ARHGAP39: variants seen among roughly 807,000 people sequenced by gnomAD.
ARHGAP39 encodes rho GTPase-activating protein 39.
ARHGAP39 carries 44 observed loss-of-function variants against 106.9 expected under a neutral mutation model. The observed-to-expected ratio is 0.41, with a 90% CI of 0.32 to 0.53. The LOEUF (loss-of-function observed/expected upper bound fraction) is 0.53. ARHGAP39 is among the 20% of genes least tolerant of loss of function. The pLI, the probability that ARHGAP39 is intolerant of heterozygous loss-of-function variation, is 0.21. For synonymous variants in ARHGAP39, 768 were observed against 693.2 expected, an observed-to-expected ratio of 1.11 and a Z score of -1.69; for missense variants, 1,496 against 1,577.3, an observed-to-expected ratio of 0.95 and a Z score of 0.87.
At chr8:144,665,461 A>G (rs1316589930) in intron 1 of ARHGAP39, among the ~76,000 whole-genome samples, 1 of 152,256 alleles carries the variant, frequency 6.6e-6, no homozygotes, top group East Asian at 1.9e-4. Flanking sequence ...AGGCCATGTC[A>G]GAGACCTTCA....
chr8:144,561,396 TG>T (rs1564848378), intron 3 of ARHGAP39, among the ~76,000 whole-genome samples: 2,190 of 148,270 alleles, frequency 0.015, 57 homozygotes, highest in Admixed American at 0.05. Context: ...ACCCCAGTGG[TG>T]TCCATCACAC....
chr8:144,536,084 G>GCCC (rs143662690), intron 7 of ARHGAP39, among the ~76,000 whole-genome samples: 247 of 152,314 alleles, frequency 1.6e-3, no homozygotes, highest in African/African-American at 5.9e-3. Flanking sequence ...AGTGGGCAGT[G>GCCC]CCCATCGCCA....
intron 3 of ARHGAP39, among the ~76,000 whole-genome samples, chr8:144,574,181 A>AGACGAGGAGGAGGAGGAG (rs112840672): frequency 6.8e-6 from 1 of 148,016 alleles, no homozygotes; most frequent in Non-Finnish European, 1.5e-5. Context: ...AAGAAGATGA[A>AGACGAGGAGGAGGAGGAG]GATGAGGAGG....
chr8:144,530,274 T>G lies in ARHGAP39; in HGVS notation c.*148A>C. ...GCACCCTCAGACCAGGCAGAAGACG[T>G]GGGGAGCGCCGGGGCCAGGGGCCTG... On this transcript the variant is annotated 3_prime_UTR_variant, in exon 12 of 12. Coordinates refer to ENST00000377307, the MANE Select transcript of ARHGAP39 (RefSeq NM_025251.3). The G allele has an allele frequency of 1.2e-6, 1 of 861,788 alleles. No homozygotes were observed. Among genetic ancestry groups the G allele is most frequent in the Non-Finnish European group, 1.7e-6 (1 of 573,806 alleles). 53.4% of individuals were successfully genotyped at this position (861,788 alleles called of 1,614,324 possible). A position where few individuals can be genotyped will look rare whatever the true frequency, so the allele number is the denominator to read the frequency against.
chr8:144,668,397 C>T (rs1052136886), intron 1 of ARHGAP39, among the ~76,000 whole-genome samples: 11 of 152,108 alleles, frequency 7.2e-5, no homozygotes, highest in African/African-American at 1.7e-4. Flanking sequence ...GTCAAAATCG[C>T]GCCACTGCAC....
intron 1 of ARHGAP39, among the ~76,000 whole-genome samples, chr8:144,672,994 A>T (rs1470910812): frequency 6.6e-6 from 1 of 152,148 alleles, no homozygotes; most frequent in African/African-American, 2.4e-5. Context: ...AAGCGGGAGG[A>T]TCACTTGAGC....
Position 144,545,561 on chromosome 8 carries a change from G to A in ARHGAP39, c.2209C>T (p.Arg737Trp), listed in dbSNP as rs768872543. 10 of 1,613,620 alleles carry A rather than the reference G, an allele frequency of 6.2e-6. No individual in the cohort carries two copies. The highest frequency in any genetic ancestry group is 1.6e-4 in the Middle Eastern group (1 of 6,084). ...TCGCAGGCCTCCTTCTTCACGTGCC[G>A]GTCGCTTGTCACGATCATGGGCTTC... is the stretch of plus-strand genomic sequence containing the variant. ...IKKPMIVTSD[R>W]HVKKEACELF... The change falls in exon 6 of 12, where the codon CGG (arginine) becomes TGG (tryptophan). Residue 737 changes from arginine (R) to tryptophan (W), a missense_variant. Arg to Trp is a moderately radical substitution (Grantham distance 101, BLOSUM62 -3). Coordinates refer to ENST00000377307, the MANE Select transcript of ARHGAP39 (RefSeq NM_025251.3).
intron 1 of ARHGAP39, among the ~76,000 whole-genome samples, chr8:144,652,009 T>C (rs114000859): frequency 0.027 from 4,160 of 152,094 alleles, 256 homozygotes; most frequent in East Asian, 0.25. Flanking sequence ...GACACAGGAA[T>C]AGGAAAAGAT....
intron 6 of ARHGAP39, among the ~76,000 whole-genome samples, chr8:144,539,326 G>A (rs749290136): frequency 3.3e-5 from 5 of 152,114 alleles, no homozygotes; most frequent in African/African-American, 4.8e-5. Flanking sequence ...GCCGACAGTC[G>A]CCCCGGCTTC....
chr8:144,609,397 C>CTTTTTTTTTT (rs779442641), intron 1 of ARHGAP39, among the ~76,000 whole-genome samples: 2 of 121,332 alleles, frequency 1.6e-5, no homozygotes, highest in African/African-American at 6.3e-5. Context: ...ATGTATTGTC[C>CTTTTTTTTTT]TTTTTTTTTT....
chr8:144,601,205 T>A (rs545008234), intron 2 of ARHGAP39, among the ~76,000 whole-genome samples: 91 of 140,996 alleles, frequency 6.5e-4, no homozygotes, highest in African/African-American at 2.2e-3. Context: ...TGTGTGCATG[T>A]GCGTGGAGGT....
chr8:144,601,709 G>C (rs1819964118), intron 2 of ARHGAP39, among the ~76,000 whole-genome samples: 1 of 144,484 alleles, frequency 6.9e-6, no homozygotes, highest in African/African-American at 2.6e-5. Context: ...TGTGGTGTGT[G>C]TGTGAGCTCA....
intron 1 of ARHGAP39, among the ~76,000 whole-genome samples, chr8:144,675,331 G>A (rs553419129): frequency 3.9e-5 from 6 of 152,216 alleles, no homozygotes; most frequent in East Asian, 3.9e-4. Context: ...CTCCCGGTAC[G>A]CCACTGTGTC....
chr8:144,622,400 C>T (rs1044602687), intron 1 of ARHGAP39, among the ~76,000 whole-genome samples: 6 of 152,156 alleles, frequency 3.9e-5, no homozygotes, highest in African/African-American at 1.4e-4. Context: ...AAGCCTCCAG[C>T]CAAGTCCAAG....
rs543672297 is a variant in ARHGAP39, at chr8:144,662,685, C to T, written c.-82+23001G>A. On this transcript the variant is annotated intron_variant, in intron 1 of 11. Coordinates refer to ENST00000377307, the MANE Select transcript of ARHGAP39 (RefSeq NM_025251.3). ...CCTCCCCATTATCCGCTTTGGACTGCTCCCCACTCCCTATTATCCACCTTG... is the reference window on the plus strand; with the variant it reads ...CCTCCCCATTATCCGCTTTGGACTGTTCCCCACTCCCTATTATCCACCTTG... Among the ~76,000 whole-genome samples the T allele has an allele frequency of 1.1e-4, 16 of 149,566 alleles. No individual in the cohort carries two copies. In the East Asian group the frequency reaches 3.0e-3, roughly 28 times the overall value.
intron 1 of ARHGAP39, among the ~76,000 whole-genome samples, chr8:144,623,824 A>G (rs2976601): frequency 0.97 from 148,168 of 152,320 alleles, 72,259 homozygotes; most frequent in Non-Finnish European, 1. Context: ...CAGAATCAGG[A>G]ATGAGAGAGG....
chr8:144,547,562 G>A lies in ARHGAP39; in HGVS notation c.1524C>T (p.Thr508=). The A allele has an allele frequency of 6.8e-7, 1 of 1,470,828 alleles. No homozygotes were observed. Among genetic ancestry groups the A allele is most frequent in the Non-Finnish European group, 9.0e-7 (1 of 1,113,450 alleles). 91.1% of individuals were successfully genotyped at this position (1,470,828 alleles called of 1,614,324 possible). A position where few individuals can be genotyped will look rare whatever the true frequency, so the allele number is the denominator to read the frequency against. The change falls in exon 5 of 12, where the codon ACC becomes ACT. Residue 508 remains threonine (T), a synonymous_variant. Coordinates refer to ENST00000377307, the MANE Select transcript of ARHGAP39 (RefSeq NM_025251.3). The surrounding 1 kb of genome is among the most constrained non-coding windows in gnomAD (Gnocchi z 5.2). The stretch of plus-strand genomic sequence containing the variant: ...GCAGGTCCCCGGGGCCCTCAGTGGG[G>A]GTGGCGCTGGTGGCTTGGCACAAAG... ...KPSLCQATSA[T]PTEGPGDLLV... is the part of the protein sequence containing the mutation.
intron 4 of ARHGAP39, 147 bp downstream of exon 4, chr8:144,555,413 C>T (rs1817879044): frequency 2.7e-6 from 2 of 729,546 alleles, no homozygotes; most frequent in Admixed American, 2.1e-5. Context: ...TGTCCAGGCC[C>T]CTGGCCCTGT....
At chr8:144,583,373 G>A (rs968212597) in intron 2 of ARHGAP39, among the ~76,000 whole-genome samples, 1 of 152,234 alleles carries the variant, frequency 6.6e-6, no homozygotes. Context: ...AACCGCAACA[G>A]GAAGTGGCGC....
Sources: allele counts gnomAD v4.1 joint callset (sites outside exome capture counted in the v4.1 genomes callset), GRCh38; gene constraint gnomAD v4.1.1; non-coding constraint Gnocchi (gnomAD v3.1); transcripts MANE v1.5; gene names NCBI Gene and HGNC (gene_info 2026-07-23, HGNC 2026-07-21).